The following FRMD4A variants were observed in gnomAD, a reference collection of about 807,000 sequenced individuals.
FRMD4A encodes FERM domain containing 4A.
Under a neutral mutation model 129.1 loss-of-function variants are expected in FRMD4A, and 29 were observed. The ratio of observed to expected loss-of-function variants is 0.22; its 90% CI spans 0.17 to 0.31. The LOEUF is 0.31. Ranked by LOEUF, FRMD4A falls within the 10% of genes least tolerant of loss-of-function variation. The pLI, the probability that FRMD4A is intolerant of heterozygous loss-of-function variation, is 1.00. For missense variants in FRMD4A, 1,272 were observed against 1,375.8 expected (o/e 0.92, Z 1.19); for synonymous variants, 634 against 571.6 (o/e 1.11, Z -1.56).
chr10:14,218,641 G>A (rs987407788), intron 2 of FRMD4A, among the ~76,000 whole-genome samples: 1 of 152,118 alleles, frequency 6.6e-6, no homozygotes, highest in Non-Finnish European at 1.5e-5. Flanking sequence ...ATTGCCTGAG[G>A]TCAGGAGTTC....
chr10:13,857,454 G>A (rs1206150473), intron 3 of FRMD4A, among the ~76,000 whole-genome samples: 4 of 151,996 alleles, frequency 2.6e-5, no homozygotes, highest in African/African-American at 9.7e-5. Context: ...CACCAAAAAG[G>A]GAACAACACT....
chr10:14,273,437 C>A (rs1178889675), intron 2 of FRMD4A, among the ~76,000 whole-genome samples: 1 of 152,040 alleles, frequency 6.6e-6, no homozygotes, highest in Non-Finnish European at 1.5e-5. Context: ...TTACTTCTTA[C>A]AACATTGCAA....
chr10:14,169,256 G>A (rs534433068), intron 2 of FRMD4A, among the ~76,000 whole-genome samples: 1 of 152,074 alleles, frequency 6.6e-6, no homozygotes, highest in African/African-American at 2.4e-5. Flanking sequence ...ATGCTAATCT[G>A]CCACTTCGAC....
chr10:13,895,985 G>A (rs2094753609), intron 2 of FRMD4A, among the ~76,000 whole-genome samples: 2 of 152,310 alleles, frequency 1.3e-5, no homozygotes, highest in South Asian at 4.1e-4. Flanking sequence ...TCTCATGCCA[G>A]TTAGCATGGC....
chr10:13,665,770 G>C (rs371104839), intron 18 of FRMD4A, among the ~76,000 whole-genome samples: 3 of 152,228 alleles, frequency 2.0e-5, no homozygotes, highest in Non-Finnish European at 4.4e-5. Flanking sequence ...GAGAGTGTCA[G>C]AGCCTGGTCT....
intron 2 of FRMD4A, among the ~76,000 whole-genome samples, chr10:13,906,480 G>A (rs2094883303): frequency 6.6e-6 from 1 of 152,162 alleles, no homozygotes; most frequent in South Asian, 2.1e-4. Flanking sequence ...GTTGCATTGT[G>A]TAATGTATAA....
intron 14 of FRMD4A, among the ~76,000 whole-genome samples, chr10:13,698,047 C>G (rs7921847): frequency 0.92 from 140,340 of 151,830 alleles, 64,873 homozygotes; most frequent in East Asian, 0.98. Context: ...TGTCTTAGAT[C>G]GTAGAATGGT....
At chr10:14,107,307 T>C (rs1837637726) in intron 2 of FRMD4A, among the ~76,000 whole-genome samples, 1 of 152,086 alleles carries the variant, frequency 6.6e-6, no homozygotes, top group Non-Finnish European at 1.5e-5. Context: ...TGTTACACAA[T>C]ATACCTGTGT....
At chr10:14,276,525 C>T (rs1845347322) in intron 2 of FRMD4A, among the ~76,000 whole-genome samples, 2 of 152,346 alleles carry the variant, frequency 1.3e-5, no homozygotes, top group South Asian at 4.1e-4. Context: ...CCTTTTGGCT[C>T]AGGAACTCCG....
chr10:13,882,607 C>T (rs948493478), intron 2 of FRMD4A, among the ~76,000 whole-genome samples: 8 of 152,162 alleles, frequency 5.3e-5, no homozygotes, highest in African/African-American at 1.7e-4. Context: ...ACCAGATGGA[C>T]GGACAGGCTC....
intron 4 of FRMD4A, among the ~76,000 whole-genome samples, chr10:13,808,128 A>C (rs61675533): frequency 0.017 from 2,539 of 152,294 alleles, 55 homozygotes; most frequent in African/African-American, 0.055. Context: ...CTCAGGAACA[A>C]TCATGCTGCT....
intron 3 of FRMD4A, among the ~76,000 whole-genome samples, chr10:13,855,862 A>C (rs1402574437): frequency 6.6e-6 from 1 of 152,144 alleles, no homozygotes; most frequent in Non-Finnish European, 1.5e-5. Context: ...AGAGGAGAAA[A>C]AAAAGAGTGA....
At chr10:13,923,784 C>T (rs537427011) in intron 2 of FRMD4A, among the ~76,000 whole-genome samples, 1 of 152,226 alleles carries the variant, frequency 6.6e-6, no homozygotes, top group Non-Finnish European at 1.5e-5. Context: ...TAACAGATTG[C>T]TAAAGAATTC....
intron 2 of FRMD4A, among the ~76,000 whole-genome samples, chr10:13,934,576 G>A (rs907502350): frequency 6.6e-6 from 1 of 151,946 alleles, no homozygotes; most frequent in Non-Finnish European, 1.5e-5. Context: ...CCTTGTTGAC[G>A]AAGACTGAAG....
Position 14,302,416 on chromosome 10 carries a change from C to A in FRMD4A, c.45+27642G>T, listed in dbSNP as rs1177455419. Among the ~76,000 whole-genome samples, 4 of 152,262 alleles carry A rather than the reference C, an allele frequency of 2.6e-5. No homozygotes were observed. In the East Asian group the frequency reaches 7.7e-4, roughly 29 times the overall value. ...CACTTTGTATTAAAGGAACTTTGTT[C>A]AAAAATAGCATCATGGTTAAAAGTG... On this transcript the variant is annotated intron_variant, in intron 2 of 24. Coordinates refer to ENST00000357447, the MANE Select transcript of FRMD4A (RefSeq NM_018027.5).
At chr10:13,765,114 GTTT>G (rs1202429085) in intron 6 of FRMD4A, among the ~76,000 whole-genome samples, 3 of 105,502 alleles carry the variant, frequency 2.8e-5, no homozygotes, top group Admixed American at 1.1e-4. Flanking sequence ...TTTTTTTTTT[GTTT>G]TTTTTTTTTT....
chr10:14,118,557 C>T (rs951570416), intron 2 of FRMD4A, among the ~76,000 whole-genome samples: 2 of 152,110 alleles, frequency 1.3e-5, no homozygotes, highest in African/African-American at 4.8e-5. Flanking sequence ...TAAAGGCATA[C>T]CTGAGGCTGG....
At position 14,223,004 on chromosome 10, in the gene FRMD4A, C is replaced by T. The variant is rs556059436; in HGVS notation, c.45+107054G>A. Among the ~76,000 whole-genome samples the T allele has an allele frequency of 9.5e-4, 144 of 152,302 alleles. 1 individual carries two copies. Among genetic ancestry groups the T allele is most frequent in the African/African-American group, 2.8e-3 (115 of 41,558 alleles). On this transcript the variant is annotated intron_variant, in intron 2 of 24. Transcript: ENST00000357447. ...TCTGGAGACTGAGGCATGAAAATTG[C>T]TTGAACCTGGGAGTCAGAGTTGCAG...
intron 2 of FRMD4A, among the ~76,000 whole-genome samples, chr10:14,145,019 G>A (rs115043495): frequency 0.011 from 1,651 of 152,200 alleles, 22 homozygotes; most frequent in African/African-American, 0.037. Flanking sequence ...AGATTGTGGT[G>A]GGAGCAAAAA....
Sources: gnomAD v4.1 joint callset for allele counts (sites outside exome capture counted in the v4.1 genomes callset) on GRCh38, gnomAD v4.1.1 for gene constraint, MANE v1.5 for transcripts, NCBI Gene and HGNC (gene_info 2026-07-23, HGNC 2026-07-21) for gene names.